The following SIK3 variants were observed in gnomAD, a reference collection of about 807,000 sequenced individuals.
The protein encoded by SIK3 is SIK family kinase 3.
Under a neutral mutation model 144.2 loss-of-function variants are expected in SIK3, and 28 were observed. The ratio of observed to expected loss-of-function variants is 0.19; its 90% CI spans 0.14 to 0.27. The LOEUF (loss-of-function observed/expected upper bound fraction) is 0.27. Ranked by LOEUF, SIK3 falls within the 10% of genes least tolerant of loss-of-function variation. The probability of loss-of-function intolerance (pLI) is 1.00; values close to 1 mark genes in which losing one functional copy is unlikely to be tolerated. For synonymous variants in SIK3, 686 were observed against 676.3 expected, an observed-to-expected ratio of 1.01 and a Z score of -0.22; for missense variants, 1,319 against 1,776.0, an observed-to-expected ratio of 0.74 and a Z score of 4.62.
At chr11:116,950,771 A>T (rs957920684) in intron 3 of SIK3, among the ~76,000 whole-genome samples, 1 of 151,892 alleles carries the variant, frequency 6.6e-6, no homozygotes, top group African/African-American at 2.4e-5. Context: ...GTCTTTTGAC[A>T]GAAGGAAGCC....
chr11:116,992,690 G>C (rs764773138), intron 1 of SIK3, among the ~76,000 whole-genome samples: 24 of 152,158 alleles, frequency 1.6e-4, no homozygotes, highest in Admixed American at 6.5e-5. Flanking sequence ...AATTCAAAAA[G>C]TTATCACTAG....
At chr11:117,002,616 GA>G (rs140949182) in intron 1 of SIK3, among the ~76,000 whole-genome samples, 1 of 148,532 alleles carries the variant, frequency 6.7e-6, no homozygotes, top group South Asian at 2.1e-4. Flanking sequence ...TCCATTACAA[GA>G]AAAAAAAACC....
chr11:117,059,981 C>T (rs900572893), intron 1 of SIK3, among the ~76,000 whole-genome samples: 1 of 152,210 alleles, frequency 6.6e-6, no homozygotes, highest in African/African-American at 2.4e-5. Flanking sequence ...ACTATATGAT[C>T]ACGCAGTTCT....
At chr11:116,950,864 T>C (rs1019140356) in intron 3 of SIK3, among the ~76,000 whole-genome samples, 5 of 152,220 alleles carry the variant, frequency 3.3e-5, no homozygotes, top group Non-Finnish European at 7.4e-5. Flanking sequence ...TGCACAGATG[T>C]TCTTGAATAA....
chr11:116,967,331 G>T (rs1334733577), intron 1 of SIK3, among the ~76,000 whole-genome samples: 1 of 152,200 alleles, frequency 6.6e-6, no homozygotes, highest in African/African-American at 2.4e-5. Flanking sequence ...GCTGAAAAGA[G>T]AGCTGAACTC....
chr11:116,883,107 C>CTAT (rs1470983739), intron 6 of SIK3, among the ~76,000 whole-genome samples: 1 of 152,192 alleles, frequency 6.6e-6, no homozygotes, highest in African/African-American at 2.4e-5. Flanking sequence ...AGAAGTGATG[C>CTAT]TATTATAGCA....
rs551787715 is a variant in SIK3 at position 117,023,899 on chromosome 11, G to A, written c.274-66835C>T. The stretch of plus-strand genomic sequence containing the variant: ...TTGCTATGTTGGCCAGGCTGGTCTT[G>A]AACTCCTGGCCTCAAGTGATTCACC... On this transcript the variant is annotated intron_variant, in intron 1 of 24. Transcript: ENST00000445177. 2.0e-4 allele frequency among the ~76,000 whole-genome samples: 31 copies of A among 151,990 alleles called. No individual in the cohort carries two copies. In the East Asian group the frequency reaches 5.8e-3, roughly 28 times the overall value.
At chr11:116,994,990 C>T (rs1302133726) in intron 1 of SIK3, among the ~76,000 whole-genome samples, 4 of 151,870 alleles carry the variant, frequency 2.6e-5, no homozygotes, top group Non-Finnish European at 4.4e-5. Context: ...AGTCTCAGGC[C>T]GGGCATGGTG....
At chr11:116,957,916 C>T (rs1565499606) in intron 1 of SIK3, among the ~76,000 whole-genome samples, 2 of 152,200 alleles carry the variant, frequency 1.3e-5, no homozygotes, top group Non-Finnish European at 2.9e-5. Context: ...CAATGTGCCC[C>T]CTTTTAATAA....
At chr11:116,985,473 G>A (rs7110474) in intron 1 of SIK3, among the ~76,000 whole-genome samples, 4,919 of 152,206 alleles carry the variant, frequency 0.032, 239 homozygotes, top group African/African-American at 0.11. Flanking sequence ...TTGAGTTTGC[G>A]CTTGTAAATT....
chr11:117,045,598 G>A (rs1330788107), intron 1 of SIK3, among the ~76,000 whole-genome samples: 2 of 152,122 alleles, frequency 1.3e-5, no homozygotes, highest in African/African-American at 4.8e-5. Context: ...TGGTATTCTC[G>A]CTTACTAATC....
intron 1 of SIK3, among the ~76,000 whole-genome samples, chr11:116,959,410 T>C (rs7942529): frequency 0.028 from 4,312 of 152,266 alleles, 192 homozygotes; most frequent in African/African-American, 0.095. Flanking sequence ...GTGCATGCCA[T>C]GATGTGCAAA....
At chr11:117,048,699 T>C (rs1367167510) in intron 1 of SIK3, among the ~76,000 whole-genome samples, 1 of 152,102 alleles carries the variant, frequency 6.6e-6, no homozygotes, top group Non-Finnish European at 1.5e-5. Flanking sequence ...AACCAACTTC[T>C]TTCTCCCAGT....
chr11:116,962,694 G>A (rs1370560007), intron 1 of SIK3, among the ~76,000 whole-genome samples: 1 of 152,064 alleles, frequency 6.6e-6, no homozygotes, highest in East Asian at 1.9e-4. Context: ...GTGTAATACA[G>A]TAGGCACCAG....
At chr11:116,918,277 G>T (rs1425754747) in intron 4 of SIK3, among the ~76,000 whole-genome samples, 2 of 152,042 alleles carry the variant, frequency 1.3e-5, no homozygotes, top group East Asian at 1.9e-4. Context: ...CAGATGCTTT[G>T]GTAGGTCAGA....
intron 3 of SIK3, chr11:116,950,064 A>G (rs2135363079): frequency 2.2e-6 from 1 of 464,970 alleles, no homozygotes; most frequent in East Asian, 7.1e-5. Flanking sequence ...CCTAGCAGCA[A>G]AAGACAGTGA....
intron 1 of SIK3, among the ~76,000 whole-genome samples, chr11:117,018,182 CCT>C (rs1169600071): frequency 3.3e-5 from 5 of 152,030 alleles, no homozygotes; most frequent in South Asian, 4.2e-4. Flanking sequence ...AGGAAGGACC[CCT>C]GAGTACACCA....
At chr11:116,990,361 T>C (rs1305293731) in intron 1 of SIK3, among the ~76,000 whole-genome samples, 1 of 152,182 alleles carries the variant, frequency 6.6e-6, no homozygotes, top group Non-Finnish European at 1.5e-5. Context: ...AAGAATGAAC[T>C]TCTTTTTCCC....
chr11:116,875,347 T>C lies in SIK3; in HGVS notation c.1317+27A>G, dbSNP rs759198294. The stretch of plus-strand genomic sequence containing the variant: ...ATATGGCAAAGAAAGTGGTTTCAGC[T>C]GACAGCTCCCACAGGTTGCTACTTG... On this transcript the variant is annotated intron_variant, in intron 10 of 24. Transcript: ENST00000445177. 2.5e-6 allele frequency: 4 copies of C among 1,613,828 alleles called. No individual in the cohort carries two copies. In the Admixed American group the frequency reaches 5.0e-5, roughly 20 times the overall value.
Sources: allele counts gnomAD v4.1 joint callset (sites outside exome capture counted in the v4.1 genomes callset), GRCh38; gene constraint gnomAD v4.1.1; transcripts MANE v1.5; gene names NCBI Gene and HGNC (gene_info 2026-07-23, HGNC 2026-07-21).